Variants in CENPV observed in about 807,000 individuals in gnomAD.
CENPV encodes nuclear protein p30.
Under a neutral mutation model 26.4 loss-of-function variants are expected in CENPV, and 15 were observed. The ratio of observed to expected loss-of-function variants is 0.57; its 90% CI spans 0.38 to 0.88. CENPV has a LOEUF of 0.88. CENPV is among the 40% of genes least tolerant of loss of function. CENPV has a pLI of 0.00. For missense variants in CENPV, 336 were observed against 376.5 expected, an observed-to-expected ratio of 0.89 and a Z score of 0.89; for synonymous variants, 172 against 165.5, an observed-to-expected ratio of 1.04 and a Z score of -0.30.
Position 16,348,667 on chromosome 17 carries a change from C to A in CENPV, c.528G>T (p.Lys176Asn). Residue 176 changes from lysine to asparagine, a missense_variant, in exon 3 of 5, where the codon AAG (lysine) becomes AAT (asparagine). Lys to Asn is a moderately conservative substitution (Grantham distance 94, BLOSUM62 0). Around this residue, in one of 2 missense-constraint regions of CENPV, gnomAD observed 155 missense variants for 227.8 expected, o/e 0.68. Coordinates refer to ENST00000299736, the MANE Select transcript of CENPV (RefSeq NM_181716.3). Reference sequence around the variant, plus strand: ...GAACAATGAAGTGTCTATTCTGCTTCTTCTTGCAAATGCTGCAACTACAGA... The same window carrying A: ...GAACAATGAAGTGTCTATTCTGCTTATTCTTGCAAATGCTGCAACTACAGA... Reference protein sequence around the residue: ...IFDCNCSICKKKQNRHFIVPA... With the variant: ...IFDCNCSICKNKQNRHFIVPA... 1 of 1,614,074 alleles carries A rather than the reference C, an allele frequency of 6.2e-7. No individual in the cohort carries two copies. The highest frequency in any genetic ancestry group is 1.1e-5 in the South Asian group (1 of 91,072).
At chr17:16,344,891 C>A in intron 3 of CENPV, 180 bp from the exon 4 acceptor site, 1 of 290,576 alleles carries the variant, frequency 3.4e-6, no homozygotes. Flanking sequence ...CCTGCCTCAG[C>A]CTCCCAAGTA....
intron 3 of CENPV, among the ~76,000 whole-genome samples, chr17:16,346,182 C>G (rs547759391): frequency 7.9e-5 from 12 of 152,274 alleles, no homozygotes; most frequent in African/African-American, 2.9e-4. Context: ...TTAGCAACAT[C>G]TACCAAAATT....
At chr17:16,349,303 T>C (rs1343767831) in intron 2 of CENPV, 1 of 986,160 alleles carries the variant, frequency 1.0e-6, no homozygotes, top group Admixed American at 6.1e-5. Context: ...TTCCATCGTA[T>C]GTGCTTATTA....
In CENPV at chr17:16,349,752, G is replaced by A. The variant is rs2093221747; in HGVS notation, c.509+179C>T. 3 of 1,407,784 alleles carry A rather than the reference G, an allele frequency of 2.1e-6. No homozygotes were observed. The Admixed American group carries it at 9.2e-5, about 43-fold the overall frequency. The allele number at this position is 1,407,784 out of a possible 1,614,324, so 87.2% of individuals were successfully genotyped here. A position where few individuals can be genotyped will look rare whatever the true frequency, so the allele number is the denominator to read the frequency against. On this transcript the variant is annotated intron_variant, in intron 2 of 4. Transcript: ENST00000299736. ...CCATGCTGTTGAAGCTCTGTGATGA[G>A]CCATATAAAAGGAACAAAAATAGAA...
At chr17:16,351,804 G>T (rs2093230236) in intron 1 of CENPV, 1 of 152,140 alleles carries the variant, frequency 6.6e-6, no homozygotes, top group Admixed American at 6.5e-5. Context: ...TCTCAAATTT[G>T]AGTTTTACAT....
At chr17:16,350,139 A>T in intron 1 of CENPV, 110 bp from the exon 2 acceptor site, 1 of 1,314,696 alleles carries the variant, frequency 7.6e-7, no homozygotes, top group African/African-American at 1.5e-5. Flanking sequence ...TTTCTACATG[A>T]CAACCAGATG....
Position 16,353,177 on chromosome 17 carries a change from G to T in CENPV, c.260C>A (p.Pro87Gln). 7.1e-7 allele frequency: 1 copy of T among 1,418,226 alleles called. No individual in the cohort carries two copies. Among genetic ancestry groups the T allele is most frequent in the East Asian group, 2.9e-5 (1 of 34,544 alleles). The allele number at this position is 1,418,226 out of a possible 1,614,324, so 87.9% of individuals were successfully genotyped here. Reference protein sequence around the residue: ...EPPPPELALLPPPPPPPPTPA... With the variant: ...EPPPPELALLQPPPPPPPTPA... ...AGTCGGCGGCGGCGGCGGCGGTGGC[G>T]GGAGCAACGCCAGCTCAGGCGGCGG... is the stretch of plus-strand genomic sequence containing the variant. The change falls in exon 1 of 5, where the codon CCG becomes CAG. Residue 87 changes from proline to glutamine, a missense_variant. Coordinates refer to ENST00000299736, the MANE Select transcript of CENPV (RefSeq NM_181716.3).
intron 1 of CENPV, among the ~76,000 whole-genome samples, chr17:16,352,340 A>C (rs1369508636): frequency 2.0e-5 from 3 of 152,218 alleles, no homozygotes; most frequent in Non-Finnish European, 4.4e-5. Flanking sequence ...GCCATCTAAA[A>C]GACTGCGGAG....
chr17:16,353,098 C>G lies in CENPV; in HGVS notation c.339G>C (p.Glu113Asp), dbSNP rs1461659575. The change falls in exon 1 of 5, where the codon GAG (glutamate) becomes GAC (aspartate). Residue 113 changes from glutamate (E) to aspartate (D), a missense_variant. Physicochemically the swap from Glu to Asp is conservative, Grantham distance 45. Around this residue, in one of 2 missense-constraint regions of CENPV, gnomAD observed 155 missense variants for 227.8 expected, o/e 0.68. Coordinates refer to ENST00000299736, the MANE Select transcript of CENPV (RefSeq NM_181716.3). ...ASNLDLGEQRERWETFQKRQK... is the reference protein window; with the variant it reads ...ASNLDLGEQRDRWETFQKRQK... The stretch of plus-strand genomic sequence containing the variant: ...GCCGCTTCTGGAACGTCTCCCAGCG[C>G]TCCCGCTGCTCGCCCAGGTCCAGGT... 1 of 1,568,978 alleles carries G rather than the reference C, an allele frequency of 6.4e-7. No individual in the cohort carries two copies. Among genetic ancestry groups the G allele is most frequent in the South Asian group, 1.1e-5 (1 of 88,092 alleles).
Position 16,348,645 on chromosome 17 carries a change from C to A in CENPV, c.550G>T (p.Val184Phe), listed in dbSNP as rs1364077585. The A allele has an allele frequency of 1.2e-6, 2 of 1,614,088 alleles. No individual in the cohort carries two copies. The highest frequency in any genetic ancestry group is 8.5e-7 in the Non-Finnish European group (1 of 1,179,954). ...CKKKQNRHFI[V>F]PASRFKLLKG... ...AGGAGCTTGAAGCGAGAAGCTGGAA[C>A]AATGAAGTGTCTATTCTGCTTCTTC... The change falls in exon 3 of 5, where the codon GTT becomes TTT. Residue 184 changes from valine (V) to phenylalanine (F), a missense_variant. Around this residue, in one of 2 missense-constraint regions of CENPV, gnomAD observed 155 missense variants for 227.8 expected, o/e 0.68. Coordinates refer to ENST00000299736, the MANE Select transcript of CENPV (RefSeq NM_181716.3).
chr17:16,348,506 T>C (rs759739609), intron 3 of CENPV, 110 bp downstream of exon 3: 4 of 1,557,706 alleles, frequency 2.6e-6, no homozygotes, highest in Admixed American at 1.8e-5. Flanking sequence ...GGCCCTGCTA[T>C]GCTCCAGGCC....
intron 2 of CENPV, chr17:16,349,445 C>T (rs1012723130): frequency 8.1e-6 from 8 of 986,190 alleles, no homozygotes; most frequent in Non-Finnish European, 9.6e-6. Flanking sequence ...GAAGGTGGTA[C>T]AAATCAGGCC....
At chr17:16,345,969 T>A (rs975355813) in intron 3 of CENPV, among the ~76,000 whole-genome samples, 14 of 152,170 alleles carry the variant, frequency 9.2e-5, no homozygotes, top group African/African-American at 3.4e-4. Context: ...AACGGGAGAC[T>A]GGACAAAGGA....
chr17:16,342,709 C>T lies in CENPV; in HGVS notation c.*108G>A, dbSNP rs2093187424. 7.4e-7 allele frequency: 1 copy of T among 1,358,960 alleles called. No homozygotes were observed. Among genetic ancestry groups the T allele is most frequent in the South Asian group, 1.3e-5 (1 of 79,966 alleles). 84.2% of individuals were successfully genotyped at this position (1,358,960 alleles called of 1,614,324 possible). A position where few individuals can be genotyped will look rare whatever the true frequency, so the allele number is the denominator to read the frequency against. ...ATCAAGATGACCCTAGTCAACGGAA[C>T]CAGCAGCCCAGGTCAGCCACATTCA... is the stretch of plus-strand genomic sequence containing the variant. On this transcript the variant is annotated 3_prime_UTR_variant, in exon 5 of 5. Coordinates refer to ENST00000299736, the MANE Select transcript of CENPV (RefSeq NM_181716.3).
rs1000446701 is a variant in CENPV, at chr17:16,353,226, G to C, written c.211C>G (p.Gln71Glu). Reference sequence around the variant, plus strand: ...GGCGGCTCCCCCGGGCCCTCCTCCTGGGCCCGCGGCGACGAGCGCCTCAGC... The same window carrying C: ...GGCGGCTCCCCCGGGCCCTCCTCCTCGGCCCGCGGCGACGAGCGCCTCAGC... ...PRLRRSSPRAQEEGPGEPPPP... is the reference protein window; with the variant it reads ...PRLRRSSPRAEEEGPGEPPPP... Residue 71 changes from glutamine (Q) to glutamate (E), a missense_variant, in exon 1 of 5, where the codon CAG (glutamine) becomes GAG (glutamate). Gln to Glu is a conservative substitution (Grantham distance 29, BLOSUM62 2). This residue lies in a region of CENPV where 181 missense variants were observed against 148.8 expected (regional missense o/e 1.22). Coordinates refer to ENST00000299736, the MANE Select transcript of CENPV (RefSeq NM_181716.3). The C allele has an allele frequency of 7.2e-7, 1 of 1,390,686 alleles. No homozygotes were observed. Among genetic ancestry groups the C allele is most frequent in the African/African-American group, 1.5e-5 (1 of 66,294 alleles). The allele number at this position is 1,390,686 out of a possible 1,614,324, so 86.1% of individuals were successfully genotyped here. A position where few individuals can be genotyped will look rare whatever the true frequency, so the allele number is the denominator to read the frequency against.
Position 16,353,372 on chromosome 17 carries a change from G to GCGGAGGCCCGGGAGGCCC in CENPV, c.64_65insGGGCCTCCCGGGCCTCCG (p.Ser21_Ala22insGlyAlaSerArgAlaSer). The GCGGAGGCCCGGGAGGCCC allele has an allele frequency of 8.1e-7, 1 of 1,239,940 alleles. No individual in the cohort carries two copies. The highest frequency in any genetic ancestry group is 1.0e-6 in the Non-Finnish European group (1 of 994,358). The allele number at this position is 1,239,940 out of a possible 1,614,324, so 76.8% of individuals were successfully genotyped here. Reference sequence around the variant, plus strand: ...AGCGGCCGCGGAGGCCGCGGGGGCCGCGGAGGCCCCGGACCGCTTCTGCCC... The same window carrying GCGGAGGCCCGGGAGGCCC: ...AGCGGCCGCGGAGGCCGCGGGGGCCGCGGAGGCCCGGGAGGCCCCGGAGGCCCCGGACCGCTTCTGCCC... On this transcript the variant is annotated inframe_insertion, in exon 1 of 5. Coordinates refer to ENST00000299736, the MANE Select transcript of CENPV (RefSeq NM_181716.3).
In CENPV at chr17:16,348,655, T is replaced by C. The variant is rs762765606; in HGVS notation, c.540A>G (p.Arg180=). 5 of 1,614,056 alleles carry C rather than the reference T, an allele frequency of 3.1e-6. No homozygotes were observed. The South Asian group carries it at 5.5e-5, about 18-fold the overall frequency. ...NCSICKKKQN[R]HFIVPASRFK... ...AGCGAGAAGCTGGAACAATGAAGTG[T>C]CTATTCTGCTTCTTCTTGCAAATGC... The change falls in exon 3 of 5, where the codon AGA becomes AGG. Residue 180 remains arginine, a synonymous_variant. Transcript: ENST00000299736.
intron 4 of CENPV, 129 bp from the exon 5 acceptor site, chr17:16,343,070 C>T (rs955845528): frequency 3.7e-6 from 4 of 1,075,838 alleles, no homozygotes; most frequent in Non-Finnish European, 5.3e-6. Flanking sequence ...AAAGGATATG[C>T]CACAGCTTAT....
At chr17:16,347,659 G>A (rs1179542019) in intron 3 of CENPV, 1 of 151,702 alleles carries the variant, frequency 6.6e-6, no homozygotes, top group Non-Finnish European at 1.5e-5. Context: ...GTTCACCAGT[G>A]TTGTTGATAA....
Sources: gnomAD v4.1 joint callset for allele counts (sites outside exome capture counted in the v4.1 genomes callset) on GRCh38, gnomAD v4.1.1 for gene constraint, gnomAD v4.1.1 regional missense constraint, MANE v1.5 for transcripts, NCBI Gene and HGNC (gene_info 2026-07-23, HGNC 2026-07-21) for gene names.